TTLL11: variants seen among roughly 807,000 people sequenced by gnomAD.
TTLL11 encodes tubulin tyrosine ligase like 11.
A neutral mutation model predicts 51.7 loss-of-function variants in TTLL11; 42 were observed. The ratio of observed to expected loss-of-function variants is 0.81; its 90% CI spans 0.64 to 1.05. The LOEUF (loss-of-function observed/expected upper bound fraction) is 1.05. Ranked by LOEUF, TTLL11 falls within the 50% of genes least tolerant of loss-of-function variation. TTLL11 has a pLI of 0.00. For synonymous variants in TTLL11, 381 were observed against 383.5 expected (o/e 0.99, Z 0.08); for missense variants, 799 against 940.4 (o/e 0.85, Z 1.97).
chr9:122,079,669 A>G (rs980578966), intron 1 of TTLL11, among the ~76,000 whole-genome samples: 6 of 151,676 alleles, frequency 4.0e-5, no homozygotes, highest in African/African-American at 1.5e-4. Context: ...AGATCGCACC[A>G]CTGCACTCCA....
chr9:122,073,637 G>A (rs1845786347), intron 1 of TTLL11, among the ~76,000 whole-genome samples: 1 of 152,108 alleles, frequency 6.6e-6, no homozygotes, highest in South Asian at 2.1e-4. Context: ...AAGAAGATCA[G>A]ATAGTCTATC....
chr9:121,963,422 G>T lies in TTLL11; in HGVS notation c.1481+10587C>A, dbSNP rs768521091. ...TTCTAAAAGCACACGAACATTTAAG[G>T]TTCACTGGTGCAACTCCTAAGGAAA... On this transcript the variant is annotated intron_variant, in intron 6 of 8. Coordinates refer to ENST00000321582, the MANE Select transcript of TTLL11 (RefSeq NM_001139442.2). 1.4e-4 allele frequency among the ~76,000 whole-genome samples: 22 copies of T among 152,266 alleles called. 1 individual carries two copies. Among genetic ancestry groups the T allele is most frequent in the South Asian group, 8.3e-4 (4 of 4,822 alleles).
At chr9:121,902,935 G>T (rs182533705) in intron 6 of TTLL11, among the ~76,000 whole-genome samples, 1 of 152,196 alleles carries the variant, frequency 6.6e-6, no homozygotes, top group Non-Finnish European at 1.5e-5. Context: ...GGGGATATCT[G>T]CAGGTTCTAC....
At chr9:121,991,842 T>C (rs1293572135) in intron 3 of TTLL11, among the ~76,000 whole-genome samples, 2 of 152,052 alleles carry the variant, frequency 1.3e-5, no homozygotes. Context: ...CCCAGTACTC[T>C]CAAAAGTCAA....
At chr9:121,954,979 A>G (rs1841976483) in intron 6 of TTLL11, among the ~76,000 whole-genome samples, 1 of 152,178 alleles carries the variant, frequency 6.6e-6, no homozygotes, top group African/African-American at 2.4e-5. Context: ...GCTCTCAGTC[A>G]AGTTCACAGA....
intron 1 of TTLL11, among the ~76,000 whole-genome samples, chr9:122,082,603 T>C (rs1322111865): frequency 1.3e-5 from 2 of 151,870 alleles, no homozygotes; most frequent in East Asian, 3.8e-4. Flanking sequence ...CAATAAATTA[T>C]GGTATATAAA....
chr9:121,934,027 T>C (rs111667238), intron 6 of TTLL11, among the ~76,000 whole-genome samples: 13,091 of 152,186 alleles, frequency 0.086, 931 homozygotes, highest in African/African-American at 0.19. Flanking sequence ...ATCAGGAGTT[T>C]GAGACCAGCC....
At chr9:121,915,135 T>C (rs1564302680) in intron 6 of TTLL11, among the ~76,000 whole-genome samples, 3 of 152,156 alleles carry the variant, frequency 2.0e-5, no homozygotes, top group Non-Finnish European at 4.4e-5. Flanking sequence ...GGCCAAGGAT[T>C]CCACACTAGT....
chr9:121,869,442 C>T (rs1379528252), intron 7 of TTLL11, among the ~76,000 whole-genome samples: 2 of 152,194 alleles, frequency 1.3e-5, no homozygotes, highest in Non-Finnish European at 2.9e-5. Flanking sequence ...TGCTAGCAGA[C>T]ATCCTCCTTG....
At position 122,092,965 on chromosome 9, in the gene TTLL11, C is replaced by T. The variant is rs572339387; in HGVS notation, c.184G>A (p.Val62Ile). The change falls in exon 1 of 9, where the codon GTC becomes ATC. Residue 62 changes from valine to isoleucine, a missense_variant. Around this residue, in one of 3 missense-constraint regions of TTLL11, gnomAD observed 166 missense variants for 161.6 expected, o/e 1.03. Coordinates refer to ENST00000321582, the MANE Select transcript of TTLL11 (RefSeq NM_001139442.2). Reference sequence around the variant, plus strand: ...GGCTGCGCCGGGGCCGGGGCCAGGACCTTGGGCTGCTCCTCCCCTGCCTTG... The same window carrying T: ...GGCTGCGCCGGGGCCGGGGCCAGGATCTTGGGCTGCTCCTCCCCTGCCTTG... Reference protein sequence around the residue: ...ECKAGEEQPKVLAPAPAQPSA... With the variant: ...ECKAGEEQPKILAPAPAQPSA... The T allele has an allele frequency of 3.2e-5, 50 of 1,577,514 alleles. No homozygotes were observed. In the African/African-American group the frequency reaches 6.0e-4, roughly 19 times the overall value.
In TTLL11 at chr9:121,860,419, G is replaced by A. The variant is rs1204557584; in HGVS notation, c.1758C>T (p.Ser586=). 6.5e-7 allele frequency: 1 copy of A among 1,550,098 alleles called. No homozygotes were observed. Among genetic ancestry groups the A allele is most frequent in the East Asian group, 2.4e-5 (1 of 40,888 alleles). ...FIRSCKLSSS[S]LSMAAVDILY... is the part of the protein sequence containing the mutation. ...GGATGTCCACGGCAGCCATGGACAGGCTGCTGCTGCTGAGTTTGCAGCTCC... is the reference window on the plus strand; with the variant it reads ...GGATGTCCACGGCAGCCATGGACAGACTGCTGCTGCTGAGTTTGCAGCTCC... Residue 586 remains serine, a synonymous_variant, in exon 8 of 9, where the codon AGC becomes AGT. Coordinates refer to ENST00000321582, the MANE Select transcript of TTLL11 (RefSeq NM_001139442.2).
At chr9:121,855,158 G>A (rs1035354575) in intron 8 of TTLL11, among the ~76,000 whole-genome samples, 2 of 151,996 alleles carry the variant, frequency 1.3e-5, no homozygotes, top group African/African-American at 4.8e-5. Context: ...GTGAGTTTGC[G>A]GATGCTTATT....
At chr9:122,034,628 TA>T (rs1844650030) in intron 2 of TTLL11, among the ~76,000 whole-genome samples, 1 of 152,078 alleles carries the variant, frequency 6.6e-6, no homozygotes, top group South Asian at 2.1e-4. Flanking sequence ...GGCCCCTCAC[TA>T]GAACCCACAT....
chr9:121,916,203 G>A (rs1170167306), intron 6 of TTLL11, among the ~76,000 whole-genome samples: 1 of 152,190 alleles, frequency 6.6e-6, no homozygotes, highest in East Asian at 1.9e-4. Context: ...ATGGAAAGAT[G>A]TCCTTACTGT....
At position 121,989,234 on chromosome 9, in the gene TTLL11, TGACTGGTAGAA is replaced by T; in HGVS notation, c.1219_1229del (p.Phe407ArgfsTer18). On this transcript the variant is annotated frameshift_variant, in exon 4 of 9. Transcript: ENST00000321582. LOFTEE classifies it high-confidence loss of function. The surrounding 1 kb of genome is among the most constrained non-coding windows in gnomAD (Gnocchi z 4.2). The stretch of plus-strand genomic sequence containing the variant: ...GGCCCGGCCTCCCCGTGGGGATGTC[TGACTGGTAGAA>T]GACTTTGAGCTCTGGAGTCAGCGCG... The T allele has an allele frequency of 6.2e-7, 1 of 1,614,130 alleles. No individual in the cohort carries two copies. The highest frequency in any genetic ancestry group is 1.3e-5 in the African/African-American group (1 of 75,058).
intron 3 of TTLL11, among the ~76,000 whole-genome samples, chr9:122,001,616 T>G (rs1468011336): frequency 6.6e-6 from 1 of 152,078 alleles, no homozygotes; most frequent in Non-Finnish European, 1.5e-5. Context: ...CAGCCTGTGC[T>G]TGGATCAGGT....
In TTLL11 at chr9:121,942,735, CTTATTTTT is replaced by C. The variant is rs777918036; in HGVS notation, c.1481+31266_1481+31273del. On this transcript the variant is annotated intron_variant, in intron 6 of 8. Coordinates refer to ENST00000321582, the MANE Select transcript of TTLL11 (RefSeq NM_001139442.2). ...CTCCCTCCTCACGTTTCTAATCTGTCTTATTTTTTTTTTTTTTTTTTTTTTTGCCTGAA... is the reference window on the plus strand; with the variant it reads ...CTCCCTCCTCACGTTTCTAATCTGTCTTTTTTTTTTTTTTTTTTGCCTGAA... Among the ~76,000 whole-genome samples the C allele has an allele frequency of 1.3e-3, 165 of 127,348 alleles. 1 individual carries two copies. The highest frequency in any genetic ancestry group is 4.9e-3 in the African/African-American group (155 of 31,836). The allele number at this position is 127,348 out of a possible 152,430, so 83.5% of individuals were successfully genotyped here.
At chr9:121,827,937 C>T (rs1462338171) in intron 8 of TTLL11, among the ~76,000 whole-genome samples, 1 of 152,176 alleles carries the variant, frequency 6.6e-6, no homozygotes, top group East Asian at 1.9e-4. Context: ...CTGCAGTTTC[C>T]AGCCTTTTCC....
At chr9:121,823,470 T>C (rs1836647163) in intron 8 of TTLL11, among the ~76,000 whole-genome samples, 1 of 152,170 alleles carries the variant, frequency 6.6e-6, no homozygotes, top group Non-Finnish European at 1.5e-5. Flanking sequence ...TATTTGAACC[T>C]GGGAGGCAGA....
Sources: gnomAD v4.1 joint callset for allele counts (sites outside exome capture counted in the v4.1 genomes callset) on GRCh38, gnomAD v4.1.1 for gene constraint, gnomAD v4.1.1 regional missense constraint, Gnocchi (gnomAD v3.1) non-coding constraint, MANE v1.5 for transcripts, NCBI Gene and HGNC (gene_info 2026-07-23, HGNC 2026-07-21) for gene names.